ZNF586: variants seen among roughly 807,000 people sequenced by gnomAD.
The protein encoded by ZNF586 is zinc finger protein 586.
A neutral mutation model predicts 6.7 loss-of-function variants in ZNF586; 7 were observed. That is an observed-to-expected ratio of 1.04 (90% CI 0.59 to 1.95). The LOEUF is 1.95. Ranked by LOEUF, ZNF586 falls within the 30% of genes most tolerant of loss-of-function variation. The pLI is 0.00. For missense variants in ZNF586, 442 were observed against 489.6 expected, an observed-to-expected ratio of 0.90 and a Z score of 0.92; for synonymous variants, 166 against 168.7, an observed-to-expected ratio of 0.98 and a Z score of 0.12.
chr19:57,774,574 A>C (rs1318246020), intron 1 of ZNF586, among the ~76,000 whole-genome samples: 1 of 150,976 alleles, frequency 6.6e-6, no homozygotes, highest in Admixed American at 6.6e-5. Flanking sequence ...AAATAAATAA[A>C]AAGTCATAGT....
rs1312477503 is a variant in ZNF586 at position 57,769,819 on chromosome 19, C to A, written c.-24C>A. Reference sequence around the variant, plus strand: ...ACAACGACAGGAACACCGCCGAGCCCGCGTTCCCCCCCCGCCCAGAGTCAT... The same window carrying A: ...ACAACGACAGGAACACCGCCGAGCCAGCGTTCCCCCCCCGCCCAGAGTCAT... On this transcript the variant is annotated 5_prime_UTR_variant, in exon 1 of 3. Coordinates refer to ENST00000396154, the MANE Select transcript of ZNF586 (RefSeq NM_017652.4). 6.5e-7 allele frequency: 1 copy of A among 1,533,920 alleles called. No homozygotes were observed. The highest frequency in any genetic ancestry group is 2.1e-5 in the Admixed American group (1 of 48,426).
chr19:57,771,066 C>G (rs1183077512), intron 1 of ZNF586, among the ~76,000 whole-genome samples: 1 of 151,936 alleles, frequency 6.6e-6, no homozygotes, highest in African/African-American at 2.4e-5. Context: ...CTTTGGGAGG[C>G]CGAGGCGGGC....
At chr19:57,770,300 G>T (rs1987064362) in intron 1 of ZNF586, among the ~76,000 whole-genome samples, 1 of 151,972 alleles carries the variant, frequency 6.6e-6, no homozygotes, top group East Asian at 1.9e-4. Flanking sequence ...GGGATTACAG[G>T]CATGCGCCAC....
chr19:57,774,312 CG>C (rs1987171781), intron 1 of ZNF586, among the ~76,000 whole-genome samples: 1 of 150,104 alleles, frequency 6.7e-6, no homozygotes, highest in East Asian at 2.0e-4. Flanking sequence ...CACTTGAGGT[CG>C]GGAGTTGGAG....
chr19:57,775,897 C>T (rs921013297), intron 1 of ZNF586, among the ~76,000 whole-genome samples: 9 of 152,172 alleles, frequency 5.9e-5, no homozygotes, highest in Non-Finnish European at 1.0e-4. Flanking sequence ...CCACCGCGCC[C>T]GGCCACTCTC....
chr19:57,778,728 C>T (rs1404156028), intron 2 of ZNF586, 23 bp from the exon 3 acceptor site: 1 of 1,581,226 alleles, frequency 6.3e-7, no homozygotes, highest in Non-Finnish European at 8.6e-7. Flanking sequence ...ACATGTACCT[C>T]ACCAGCATTT....
chr19:57,774,637 A>C (rs1006862219), intron 1 of ZNF586: 3 of 390,496 alleles, frequency 7.7e-6, no homozygotes, highest in Non-Finnish European at 1.0e-5. Context: ...TAAATATCTG[A>C]AAATGCTAGT....
In ZNF586 at chr19:57,769,884, C is replaced by T. The variant is rs1227270119; in HGVS notation, c.36+6C>T. 17 of 1,539,056 alleles carry T rather than the reference C, an allele frequency of 1.1e-5. No homozygotes were observed. Among genetic ancestry groups the T allele is most frequent in the South Asian group, 9.6e-5 (8 of 83,730 alleles). Reference sequence around the variant, plus strand: ...CTCTGAGGGCGCCTGCTCAGGTGAGCGCTGCGACCTCCGGGCCTTACCCAC... The same window carrying T: ...CTCTGAGGGCGCCTGCTCAGGTGAGTGCTGCGACCTCCGGGCCTTACCCAC... On this transcript the variant is annotated splice_donor_region_variant and intron_variant, in intron 1 of 2. Coordinates refer to ENST00000396154, the MANE Select transcript of ZNF586 (RefSeq NM_017652.4).
chr19:57,778,969 G>A lies in ZNF586; in HGVS notation c.382G>A (p.Gly128Arg). ...AAGGCCTTATGAGTGCAGCAAATATGGGAAATTATTTCACCAAAAGCCTAC... is the reference window on the plus strand; with the variant it reads ...AAGGCCTTATGAGTGCAGCAAATATAGGAAATTATTTCACCAAAAGCCTAC... ...GERPYECSKY[G>R]KLFHQKPTLH... Residue 128 changes from glycine to arginine, a missense_variant, in exon 3 of 3, where the codon GGG becomes AGG. By Grantham distance (125) the Gly-to-Arg change is moderately radical. Coordinates refer to ENST00000396154, the MANE Select transcript of ZNF586 (RefSeq NM_017652.4). 6.2e-7 allele frequency: 1 copy of A among 1,614,028 alleles called. No individual in the cohort carries two copies. The highest frequency in any genetic ancestry group is 8.5e-7 in the Non-Finnish European group (1 of 1,180,002).
chr19:57,771,890 T>A (rs376431336), intron 1 of ZNF586, among the ~76,000 whole-genome samples: 17 of 152,226 alleles, frequency 1.1e-4, no homozygotes, highest in South Asian at 1.0e-3. Context: ...AATAGTGGAA[T>A]CTTGGCTCAC....
chr19:57,776,088 G>A (rs1027957518), intron 1 of ZNF586, among the ~76,000 whole-genome samples: 3 of 152,162 alleles, frequency 2.0e-5, no homozygotes, highest in African/African-American at 7.2e-5. Flanking sequence ...TAGAAGAAAG[G>A]GGGATTAAAA....
chr19:57,779,073 C>T lies in ZNF586; in HGVS notation c.486C>T (p.Ser162=), dbSNP rs777995472. ...AGTGTGGAAAATCATTTCACCAAAG[C>T]TCTTCACTCTTGCAGCGTCAGACAC... ...CSECGKSFHQ[S]SSLLQRQTLH... Residue 162 remains serine (S), a synonymous_variant, in exon 3 of 3, where the codon AGC becomes AGT. Transcript: ENST00000396154. 2 of 1,614,114 alleles carry T rather than the reference C, an allele frequency of 1.2e-6. No individual in the cohort carries two copies. The highest frequency in any genetic ancestry group is 4.5e-5 in the East Asian group (2 of 44,866).
intron 2 of ZNF586, among the ~76,000 whole-genome samples, chr19:57,778,114 C>T (rs1987283969): frequency 6.7e-6 from 1 of 149,870 alleles, no homozygotes; most frequent in Non-Finnish European, 1.5e-5. Context: ...CTCTGTTGCC[C>T]ACGCTGGAGT....
intron 1 of ZNF586, among the ~76,000 whole-genome samples, chr19:57,772,682 G>A (rs748640666): frequency 4.6e-5 from 7 of 152,180 alleles, no homozygotes; most frequent in Non-Finnish European, 8.8e-5. Context: ...ATAAGGGGAA[G>A]CGACCCAGAG....
rs1393297824 is a variant in ZNF586 at position 57,779,360 on chromosome 19, G to C, written c.773G>C (p.Gly258Ala). ...ATTAAACACTTGAGAGTTCACACAG[G>C]AGAAAGGCCTTATGAATGCGTTGAG... ...SLIKHLRVHT[G>A]ERPYECVECG... is the part of the protein sequence containing the mutation. Residue 258 changes from glycine to alanine, a missense_variant, in exon 3 of 3, where the codon GGA becomes GCA. Physicochemically the swap from Gly to Ala is moderately conservative, Grantham distance 60. Coordinates refer to ENST00000396154, the MANE Select transcript of ZNF586 (RefSeq NM_017652.4). 2 of 1,613,186 alleles carry C rather than the reference G, an allele frequency of 1.2e-6. No homozygotes were observed. Among genetic ancestry groups the C allele is most frequent in the Non-Finnish European group, 8.5e-7 (1 of 1,179,888 alleles).
chr19:57,779,734 C>G lies in ZNF586; in HGVS notation c.1147C>G (p.Arg383Gly). The change falls in exon 3 of 3, where the codon CGC becomes GGC. Residue 383 changes from arginine (R) to glycine (G), a missense_variant. Arg to Gly is a moderately radical substitution (Grantham distance 125, BLOSUM62 -2). Coordinates refer to ENST00000396154, the MANE Select transcript of ZNF586 (RefSeq NM_017652.4). The stretch of plus-strand genomic sequence containing the variant: ...ATGCATTGATTGTGGAAAATCATTT[C>G]GCCACAGTTCTTCGTTCCGTCGCCA... Reference protein sequence around the residue: ...YECIDCGKSFRHSSSFRRHQR... With the variant: ...YECIDCGKSFGHSSSFRRHQR... 1 of 1,613,104 alleles carries G rather than the reference C, an allele frequency of 6.2e-7. No individual in the cohort carries two copies. Among genetic ancestry groups the G allele is most frequent in the South Asian group, 1.1e-5 (1 of 91,024 alleles).
In ZNF586 at chr19:57,779,168, T is replaced by C; in HGVS notation, c.581T>C (p.Ile194Thr). Residue 194 changes from isoleucine (I) to threonine (T), a missense_variant, in exon 3 of 3, where the codon ATT becomes ACT. Physicochemically the swap from Ile to Thr is moderately conservative, Grantham distance 89. Transcript: ENST00000396154. ...GCCTTTGCTGAAAAGTCCAGTCTCA[T>C]TAACCACAGGAAAGTTCACTCTGGA... is the stretch of plus-strand genomic sequence containing the variant. ...GKAFAEKSSL[I>T]NHRKVHSGAK... 6.2e-7 allele frequency: 1 copy of C among 1,613,800 alleles called. No homozygotes were observed. The highest frequency in any genetic ancestry group is 8.5e-7 in the Non-Finnish European group (1 of 1,179,950).
intron 2 of ZNF586, 116 bp downstream of exon 2, chr19:57,776,785 A>AAT: frequency 7.7e-7 from 1 of 1,294,622 alleles, no homozygotes; most frequent in Non-Finnish European, 1.0e-6. Context: ...TTCTCTGGAG[A>AAT]GGTTCTGTTG....
intron 1 of ZNF586, among the ~76,000 whole-genome samples, chr19:57,770,855 C>CTTT (rs542127024): frequency 1.4e-5 from 2 of 146,960 alleles, no homozygotes; most frequent in African/African-American, 2.5e-5. Context: ...ATCTTGGCAT[C>CTTT]TTTTTTTTTT....
Sources: allele counts gnomAD v4.1 joint callset (sites outside exome capture counted in the v4.1 genomes callset), GRCh38; gene constraint gnomAD v4.1.1; transcripts MANE v1.5; gene names NCBI Gene and HGNC (gene_info 2026-07-23, HGNC 2026-07-21).